BCL11B: variants seen among roughly 807,000 people sequenced by gnomAD.
BCL11B encodes B-cell lymphoma/leukemia 11B.
BCL11B carries 8 observed loss-of-function variants against 49.9 expected under a neutral mutation model. That is an observed-to-expected ratio of 0.16 (90% CI 0.09 to 0.29). The LOEUF is 0.29. Among genes scored for constraint, BCL11B ranks in the 10% least tolerant of loss-of-function variants. The pLI, the probability that BCL11B is intolerant of heterozygous loss-of-function variation, is 1.00. For missense variants in BCL11B, 1,006 were observed against 1,351.0 expected (o/e 0.74, Z 4.00); for synonymous variants, 739 against 637.4 (o/e 1.16, Z -2.40).
At position 99,175,073 on chromosome 14, in the gene BCL11B, G is replaced by T; in HGVS notation, c.1763C>A (p.Ala588Asp). 6.2e-7 allele frequency: 1 copy of T among 1,600,112 alleles called. No homozygotes were observed. Residue 588 changes from alanine (A) to aspartate (D), a missense_variant, in exon 4 of 4, where the codon GCT becomes GAT. Around this residue, in one of 6 missense-constraint regions of BCL11B, gnomAD observed 443 missense variants for 499.7 expected, o/e 0.89. Transcript: ENST00000357195. ...GCCCAGCACCAGCGCCTTCTCGTCA[G>T]CCAGCGCCTTGGCCGCGCCGCCCCC... The part of the protein sequence containing the change: ...GAGGGAAKAL[A>D]DEKALVLGKV...
At chr14:99,237,743 C>A (rs1312169003) in intron 2 of BCL11B, among the ~76,000 whole-genome samples, 2 of 152,132 alleles carry the variant, frequency 1.3e-5, no homozygotes, top group Non-Finnish European at 2.9e-5. Context: ...GGTCATTACA[C>A]GGGAGACATA....
Position 99,175,089 on chromosome 14 carries a change from C to T in BCL11B, c.1747G>A (p.Ala583Thr). 1 of 1,599,316 alleles carries T rather than the reference C, an allele frequency of 6.3e-7. No homozygotes were observed. Among genetic ancestry groups the T allele is most frequent in the Non-Finnish European group, 8.5e-7 (1 of 1,176,830 alleles). Residue 583 changes from alanine (A) to threonine (T), a missense_variant, in exon 4 of 4, where the codon GCG becomes ACG. Physicochemically the swap from Ala to Thr is moderately conservative, Grantham distance 58. This residue lies in a region of BCL11B where 443 missense variants were observed against 499.7 expected (regional missense o/e 0.89). Transcript: ENST00000357195. ...TTCTCGTCAGCCAGCGCCTTGGCCG[C>T]GCCGCCCCCCGCGCCCGGGACCCCG... ...VPGVPGAGGG[A>T]AKALADEKAL...
In BCL11B at chr14:99,192,284, C is replaced by A. The variant is rs949887959; in HGVS notation, c.641-16089G>T. 3.9e-5 allele frequency among the ~76,000 whole-genome samples: 6 copies of A among 152,148 alleles called. No individual in the cohort carries two copies. The highest frequency in any genetic ancestry group is 7.4e-5 in the Non-Finnish European group (5 of 68,024). ...TGGCTCTCGCATACAGTAGCACTTT[C>A]ATTTTAAGCGCCCCAGCCACGCTTC... On this transcript the variant is annotated intron_variant, in intron 3 of 3. Transcript: ENST00000357195. The surrounding 1 kb of genome is among the most constrained non-coding windows in gnomAD (Gnocchi z 4.0).
rs1888217587 is a variant in BCL11B, at chr14:99,228,367, C to T, written c.640+2978G>A. 1.3e-5 allele frequency among the ~76,000 whole-genome samples: 2 copies of T among 152,172 alleles called. No individual in the cohort carries two copies. The highest frequency in any genetic ancestry group is 6.5e-5 in the Admixed American group (1 of 15,282). ...AAAAAACACCAGAATAGGATAGTTT[C>T]AGGTATTCAAATTGATCGGGAAACA... On this transcript the variant is annotated intron_variant, in intron 3 of 3. Coordinates refer to ENST00000357195, the MANE Select transcript of BCL11B (RefSeq NM_138576.4). This position sits in a 1 kb window ranked among gnomAD's most constrained non-coding sequence, Gnocchi z 4.8.
Position 99,271,314 on chromosome 14 carries a change from TGCC to T in BCL11B, c.-99_-97del, listed in dbSNP as rs537810518. 2,674 of 830,788 alleles carry T rather than the reference TGCC, an allele frequency of 3.2e-3. 2 individuals carry two copies. The highest frequency in any genetic ancestry group is 9.7e-3 in the East Asian group (246 of 25,394). 51.5% of individuals were successfully genotyped at this position (830,788 alleles called of 1,614,324 possible). On this transcript the variant is annotated 5_prime_UTR_variant, in exon 1 of 4. Coordinates refer to ENST00000357195, the MANE Select transcript of BCL11B (RefSeq NM_138576.4). ...GCCGCCGCCGCGCCGCTGCCGCCGC[TGCC>T]GCCGCCGCCGCCGCCGCCGCACCTC...
intron 3 of BCL11B, among the ~76,000 whole-genome samples, chr14:99,180,312 G>A (rs1886663882): frequency 6.6e-6 from 1 of 152,178 alleles, no homozygotes; most frequent in South Asian, 2.1e-4. Context: ...ACTAAGTCAC[G>A]CTTGGCAACT....
intron 3 of BCL11B, among the ~76,000 whole-genome samples, chr14:99,229,090 A>ATG (rs1888249092): frequency 4.0e-4 from 27 of 66,692 alleles, no homozygotes; most frequent in East Asian, 2.0e-3. Context: ...ATGGATGGAT[A>ATG]GATGGATGGA....
chr14:99,197,390 C>T (rs563559901), intron 3 of BCL11B, among the ~76,000 whole-genome samples: 1 of 152,350 alleles, frequency 6.6e-6, no homozygotes, highest in African/African-American at 2.4e-5. Flanking sequence ...GGGTCTCCCA[C>T]TCTGGATTCA....
At position 99,173,508 on chromosome 14, in the gene BCL11B, T is replaced by C. The variant is rs1886357729; in HGVS notation, c.*643A>G. 4.6e-6 allele frequency: 1 copy of C among 215,182 alleles called. No homozygotes were observed. Among genetic ancestry groups the C allele is most frequent in the East Asian group, 6.8e-5 (1 of 14,676 alleles). The allele number at this position is 215,182 out of a possible 1,614,324, so 13.3% of individuals were successfully genotyped here. A position where few individuals can be genotyped will look rare whatever the true frequency, so the allele number is the denominator to read the frequency against. On this transcript the variant is annotated 3_prime_UTR_variant, in exon 4 of 4. Transcript: ENST00000357195. Reference sequence around the variant, plus strand: ...AAACAAAGTGCTACGACTTGAAAGATTGTTATCCGCTGTACATCCACACCC... The same window carrying C: ...AAACAAAGTGCTACGACTTGAAAGACTGTTATCCGCTGTACATCCACACCC...
chr14:99,262,197 A>G lies in BCL11B; in HGVS notation c.59-4358T>C, dbSNP rs1889355462. Among the ~76,000 whole-genome samples, 1 of 152,180 alleles carries G rather than the reference A, an allele frequency of 6.6e-6. No individual in the cohort carries two copies. Among genetic ancestry groups the G allele is most frequent in the African/African-American group, 2.4e-5 (1 of 41,438 alleles). Reference sequence around the variant, plus strand: ...GCCTTACCTGGCCAGTGACTCCCCCACACACAGGGTGCCAAGGACCCCGCC... The same window carrying G: ...GCCTTACCTGGCCAGTGACTCCCCCGCACACAGGGTGCCAAGGACCCCGCC... On this transcript the variant is annotated intron_variant, in intron 1 of 3. Coordinates refer to ENST00000357195, the MANE Select transcript of BCL11B (RefSeq NM_138576.4). This position sits in a 1 kb window ranked among gnomAD's most constrained non-coding sequence, Gnocchi z 4.2.
intron 3 of BCL11B, among the ~76,000 whole-genome samples, chr14:99,219,852 C>T (rs1363967174): frequency 6.7e-6 from 1 of 150,118 alleles, no homozygotes; most frequent in African/African-American, 2.5e-5. Context: ...GAACTGAGAA[C>T]TGCCATGGGC....
At position 99,170,907 on chromosome 14, in the gene BCL11B, G is replaced by A. The variant is rs1022879810; in HGVS notation, c.*3244C>T. 1.3e-5 allele frequency: 3 copies of A among 232,422 alleles called. No individual in the cohort carries two copies. The highest frequency in any genetic ancestry group is 2.6e-5 in the Non-Finnish European group (3 of 117,584). 14.4% of individuals were successfully genotyped at this position (232,422 alleles called of 1,614,324 possible). A position where few individuals can be genotyped will look rare whatever the true frequency, so the allele number is the denominator to read the frequency against. Reference sequence around the variant, plus strand: ...GTTTCACAATTTCTCAAGGACTAAAGCAGCTCAGTTTGCATTGCTTTCTGC... The same window carrying A: ...GTTTCACAATTTCTCAAGGACTAAAACAGCTCAGTTTGCATTGCTTTCTGC... On this transcript the variant is annotated 3_prime_UTR_variant, in exon 4 of 4. Transcript: ENST00000357195.
At position 99,194,049 on chromosome 14, in the gene BCL11B, G is replaced by T. The variant is rs1171365290; in HGVS notation, c.641-17854C>A. Among the ~76,000 whole-genome samples, 4 of 152,174 alleles carry T rather than the reference G, an allele frequency of 2.6e-5. No homozygotes were observed. Among genetic ancestry groups the T allele is most frequent in the Admixed American group, 2.0e-4 (3 of 15,278 alleles). On this transcript the variant is annotated intron_variant, in intron 3 of 3. Transcript: ENST00000357195. This position sits in a 1 kb window ranked among gnomAD's most constrained non-coding sequence, Gnocchi z 4.6. ...CAATGGTTTCTGCCAGACAATATGG[G>T]CCCAAAGCAAATGGCAAATTCAGTG...
In BCL11B at chr14:99,181,990, C is replaced by T. The variant is rs535585938; in HGVS notation, c.641-5795G>A. Reference sequence around the variant, plus strand: ...ATTCCTTATTCATTTAAAAACTATCCTCTTTCATGACGTCAGAAAGGAGAT... The same window carrying T: ...ATTCCTTATTCATTTAAAAACTATCTTCTTTCATGACGTCAGAAAGGAGAT... On this transcript the variant is annotated intron_variant, in intron 3 of 3. Coordinates refer to ENST00000357195, the MANE Select transcript of BCL11B (RefSeq NM_138576.4). Among the ~76,000 whole-genome samples the T allele has an allele frequency of 2.0e-5, 3 of 151,154 alleles. No individual in the cohort carries two copies. The South Asian group carries it at 6.3e-4, about 32-fold the overall frequency.
intron 3 of BCL11B, among the ~76,000 whole-genome samples, chr14:99,227,576 G>A (rs138982080): frequency 2.4e-4 from 36 of 152,244 alleles, no homozygotes; most frequent in African/African-American, 8.2e-4. Context: ...GCCCTGCCCT[G>A]GAAACCTAGC....
intron 2 of BCL11B, among the ~76,000 whole-genome samples, chr14:99,235,390 C>A (rs1888465989): frequency 6.6e-6 from 1 of 152,182 alleles, no homozygotes; most frequent in African/African-American, 2.4e-5. Context: ...GGGACACTGG[C>A]AAGGGAACCT....
Position 99,243,139 on chromosome 14 carries a change from C to A in BCL11B, c.428-11582G>T, listed in dbSNP as rs78079286. Among the ~76,000 whole-genome samples, 874 of 152,274 alleles carry A rather than the reference C, an allele frequency of 5.7e-3. 7 individuals are homozygous for A. The highest frequency in any genetic ancestry group is 0.02 in the African/African-American group (837 of 41,544). ...TCTAGGGTATTCAGGTCAAGAGCAG[C>A]AGTGACACTATTCAGTATCAAGATT... On this transcript the variant is annotated intron_variant, in intron 2 of 3. Transcript: ENST00000357195.
rs1886268459 is a variant in BCL11B at position 99,170,910 on chromosome 14, G to C, written c.*3241C>G. On this transcript the variant is annotated 3_prime_UTR_variant, in exon 4 of 4. Transcript: ENST00000357195. ...TCACAATTTCTCAAGGACTAAAGCA[G>C]CTCAGTTTGCATTGCTTTCTGCTGG... 4.3e-6 allele frequency: 1 copy of C among 232,434 alleles called. No homozygotes were observed. The highest frequency in any genetic ancestry group is 5.6e-5 in the Admixed American group (1 of 17,754). 14.4% of individuals were successfully genotyped at this position (232,434 alleles called of 1,614,324 possible). A position where few individuals can be genotyped will look rare whatever the true frequency, so the allele number is the denominator to read the frequency against.
chr14:99,181,529 A>G (rs1886701760), intron 3 of BCL11B, among the ~76,000 whole-genome samples: 1 of 152,182 alleles, frequency 6.6e-6, no homozygotes, highest in African/African-American at 2.4e-5. Flanking sequence ...TGAGGCATTT[A>G]TCGTCAGGGC....
Sources: gnomAD v4.1 joint callset for allele counts (sites outside exome capture counted in the v4.1 genomes callset) on GRCh38, gnomAD v4.1.1 for gene constraint, gnomAD v4.1.1 regional missense constraint, Gnocchi (gnomAD v3.1) non-coding constraint, MANE v1.5 for transcripts, NCBI Gene and HGNC (gene_info 2026-07-23, HGNC 2026-07-21) for gene names.